The following AEBP2 variants were observed in gnomAD, a reference collection of about 807,000 sequenced individuals.
AEBP2 encodes zinc finger protein AEBP2.
In AEBP2, 10 loss-of-function variants were observed where a neutral mutation model predicts 50.8. The ratio of observed to expected loss-of-function variants is 0.20; its 90% CI spans 0.12 to 0.33. The LOEUF (loss-of-function observed/expected upper bound fraction) is 0.33. Among genes scored for constraint, AEBP2 ranks in the 10% least tolerant of loss-of-function variants. AEBP2 has a pLI of 1.00. For missense variants in AEBP2, 570 were observed against 688.0 expected, an observed-to-expected ratio of 0.83 and a Z score of 1.92; for synonymous variants, 296 against 261.3, an observed-to-expected ratio of 1.13 and a Z score of -1.28.
chr12:19,439,331 C>T (rs1392352750), upstream of AEBP2, among the ~76,000 whole-genome samples: 2 of 145,832 alleles, frequency 1.4e-5, no homozygotes, highest in South Asian at 2.1e-4. Context: ...CGAAGCCCGG[C>T]AGGGCGTGGG....
chr12:19,407,906 C>T (rs2095737179), intron 1 of AEBP2, among the ~76,000 whole-genome samples: 1 of 151,908 alleles, frequency 6.6e-6, no homozygotes, highest in South Asian at 2.1e-4. Flanking sequence ...AAAAACTTAT[C>T]CCGGCTAGGT....
chr12:19,461,578 C>T (rs1201125518), intron 1 of AEBP2, among the ~76,000 whole-genome samples: 15 of 151,970 alleles, frequency 9.9e-5, no homozygotes, highest in Admixed American at 2.6e-4. Context: ...GGTGCGATCT[C>T]GGCTCACTCC....
intron 1 of AEBP2, 193 bp downstream of exon 1, chr12:19,440,563 C>T (rs1273559982): frequency 1.4e-6 from 2 of 1,408,964 alleles, no homozygotes; most frequent in South Asian, 1.5e-5. Context: ...GCTTCCAACT[C>T]TCAAACCGTT....
intron 2 of AEBP2, among the ~76,000 whole-genome samples, chr12:19,464,875 C>T (rs192535606): frequency 2.7e-4 from 41 of 152,022 alleles, no homozygotes; most frequent in African/African-American, 9.4e-4. Context: ...CAAGTGTGAG[C>T]CATCGCACCC....
upstream of AEBP2, among the ~76,000 whole-genome samples, chr12:19,435,035 T>A (rs552894224): frequency 5.9e-5 from 9 of 152,308 alleles, no homozygotes; most frequent in South Asian, 1.9e-3. Flanking sequence ...TTTCACACTT[T>A]TCATCCTATC....
intron 1 of AEBP2, among the ~76,000 whole-genome samples, chr12:19,420,566 T>A (rs1235888026): frequency 1.3e-5 from 2 of 152,070 alleles, no homozygotes; most frequent in Admixed American, 1.3e-4. Flanking sequence ...ACTCCTGTGA[T>A]CTGCCTGCCT....
intron 5 of AEBP2, among the ~76,000 whole-genome samples, chr12:19,500,454 A>G (rs139253795): frequency 2.7e-4 from 41 of 152,334 alleles, no homozygotes; most frequent in African/African-American, 9.6e-4. Context: ...TGAGTTACTT[A>G]GGAATAATGG....
intron 3 of AEBP2, among the ~76,000 whole-genome samples, chr12:19,483,714 C>G (rs1948764449): frequency 6.6e-6 from 1 of 152,150 alleles, no homozygotes; most frequent in Non-Finnish European, 1.5e-5. Flanking sequence ...AGCTTCATCG[C>G]TTTCCATTGT....
rs778471668 is a variant in AEBP2, at chr12:19,440,239, A to G, written c.540A>G (p.Val180=). The change falls in exon 1 of 8, where the codon GTA becomes GTG. Residue 180 remains valine (V), a synonymous_variant. Coordinates refer to ENST00000266508, the MANE Select transcript of AEBP2 (RefSeq NM_153207.5). The part of the protein sequence containing the change: ...GGGGGSSSSS[V]VSSGGDEGYG... ...GGGGCGGCAGCAGTAGCAGCAGCGT[A>G]GTCTCCAGCGGCGGCGACGAGGGCT... is the stretch of plus-strand genomic sequence containing the variant. The G allele has an allele frequency of 1.4e-6, 2 of 1,473,614 alleles. No homozygotes were observed. The highest frequency in any genetic ancestry group is 1.4e-5 in the South Asian group (1 of 72,846). The allele number at this position is 1,473,614 out of a possible 1,614,324, so 91.3% of individuals were successfully genotyped here.
chr12:19,407,400 C>T (rs2095736902), intron 1 of AEBP2, among the ~76,000 whole-genome samples: 1 of 152,034 alleles, frequency 6.6e-6, no homozygotes, highest in South Asian at 2.1e-4. Context: ...CAGGTCCCAG[C>T]TCAAGCAATT....
chr12:19,448,424 G>A (rs1948110968), intron 1 of AEBP2, among the ~76,000 whole-genome samples: 1 of 151,782 alleles, frequency 6.6e-6, no homozygotes, highest in South Asian at 2.1e-4. Flanking sequence ...GGTGGAGGTT[G>A]CAGTGATCTG....
chr12:19,445,644 T>G (rs1948048036), intron 1 of AEBP2, among the ~76,000 whole-genome samples: 1 of 152,200 alleles, frequency 6.6e-6, no homozygotes, highest in Non-Finnish European at 1.5e-5. Context: ...TATTGTGAAG[T>G]GCTGTACGAT....
At chr12:19,490,969 T>A (rs1948888110) in intron 3 of AEBP2, among the ~76,000 whole-genome samples, 1 of 152,236 alleles carries the variant, frequency 6.6e-6, no homozygotes, top group South Asian at 2.1e-4. Flanking sequence ...AATTTTGTGA[T>A]GTGAATTTCA....
At chr12:19,498,719 G>C (rs952246446) in intron 4 of AEBP2, among the ~76,000 whole-genome samples, 4 of 152,042 alleles carry the variant, frequency 2.6e-5, no homozygotes, top group African/African-American at 9.7e-5. Flanking sequence ...TTAGGAATAA[G>C]AATAGAATAA....
chr12:19,433,056 G>C (rs763196417), intron 1 of AEBP2, among the ~76,000 whole-genome samples: 4 of 152,070 alleles, frequency 2.6e-5, no homozygotes, highest in Non-Finnish European at 5.9e-5. Context: ...CTGTAGAACA[G>C]TGATTCTCAA....
intron 1 of AEBP2, chr12:19,457,586 G>T: frequency 6.8e-7 from 1 of 1,478,802 alleles, no homozygotes; most frequent in Non-Finnish European, 9.0e-7. Flanking sequence ...CAGTAGTGGT[G>T]GACTTGTACG....
At chr12:19,444,343 C>T (rs1434283428) in intron 1 of AEBP2, among the ~76,000 whole-genome samples, 1 of 152,138 alleles carries the variant, frequency 6.6e-6, no homozygotes, top group South Asian at 2.1e-4. Flanking sequence ...GTCTCAAGTT[C>T]AAGTAGTAAA....
At chr12:19,447,216 A>G (rs1948086770) in intron 1 of AEBP2, among the ~76,000 whole-genome samples, 1 of 152,148 alleles carries the variant, frequency 6.6e-6, no homozygotes, top group African/African-American at 2.4e-5. Context: ...TAGGTTTGTG[A>G]ATCAAATTCT....
At chr12:19,495,576 C>T (rs930073287) in intron 4 of AEBP2, among the ~76,000 whole-genome samples, 4 of 144,038 alleles carry the variant, frequency 2.8e-5, no homozygotes, top group African/African-American at 1.0e-4. Context: ...CAGGGTCTTA[C>T]TCTTGCCCAG....
Sources: gnomAD v4.1 joint callset for allele counts (sites outside exome capture counted in the v4.1 genomes callset) on GRCh38, gnomAD v4.1.1 for gene constraint, MANE v1.5 for transcripts, NCBI Gene and HGNC (gene_info 2026-07-23, HGNC 2026-07-21) for gene names.